SCN11A: variants seen among roughly 807,000 people sequenced by gnomAD.
The protein encoded by SCN11A is sodium channel protein type 11 subunit alpha.
Under a neutral mutation model 162.2 loss-of-function variants are expected in SCN11A, and 122 were observed. The ratio of observed to expected loss-of-function variants is 0.75; its 90% CI spans 0.65 to 0.87. The LOEUF is 0.87. Ranked by LOEUF, SCN11A falls within the 40% of genes least tolerant of loss-of-function variation. The pLI, the probability that SCN11A is intolerant of heterozygous loss-of-function variation, is 0.00. For synonymous variants in SCN11A, 758 were observed against 751.5 expected, an observed-to-expected ratio of 1.01 and a Z score of -0.14; for missense variants, 2,015 against 2,181.6, an observed-to-expected ratio of 0.92 and a Z score of 1.52.
chr3:39,026,411 C>T (rs2031589503), intron 2 of SCN11A, among the ~76,000 whole-genome samples: 1 of 152,212 alleles, frequency 6.6e-6, no homozygotes, highest in Non-Finnish European at 1.5e-5. Context: ...TACAACCTCG[C>T]CGGGTCGTGG....
intron 2 of SCN11A, among the ~76,000 whole-genome samples, chr3:39,019,578 C>T (rs184975075): frequency 1.3e-5 from 2 of 152,196 alleles, no homozygotes; most frequent in Admixed American, 6.5e-5. Flanking sequence ...TGCAGTTTCA[C>T]ATGTTTGGTC....
intron 28 of SCN11A, among the ~76,000 whole-genome samples, chr3:38,854,222 C>T (rs2126082629): frequency 6.6e-6 from 1 of 152,242 alleles, no homozygotes; most frequent in South Asian, 2.1e-4. Flanking sequence ...TTGTCTATGG[C>T]TGCTTCTGTA....
At chr3:38,921,009 A>G in intron 10 of SCN11A, 67 bp downstream of exon 10, 1 of 1,423,242 alleles carries the variant, frequency 7.0e-7, no homozygotes, top group Non-Finnish European at 9.9e-7. Flanking sequence ...TGAAGGCAGG[A>G]CAAGTGAGGA....
At chr3:39,048,507 TAA>T (rs1401066123) in intron 1 of SCN11A, among the ~76,000 whole-genome samples, 2 of 152,172 alleles carry the variant, frequency 1.3e-5, no homozygotes, top group African/African-American at 4.8e-5. Flanking sequence ...TTCAAATAGC[TAA>T]AAGAGTGGAT....
In SCN11A at chr3:38,871,566, G is replaced by C. The variant is rs1017830449; in HGVS notation, c.3638C>G (p.Ser1213Ter). 6.2e-7 allele frequency: 1 copy of C among 1,613,070 alleles called. No individual in the cohort carries two copies. Among genetic ancestry groups the C allele is most frequent in the Non-Finnish European group, 8.5e-7 (1 of 1,179,342 alleles). Residue 1213 changes from serine (S) to a stop codon, truncating the protein, a stop_gained, in exon 25 of 30, where the codon TCA becomes TGA. Transcript: ENST00000302328. LOFTEE classifies it high-confidence loss of function. ...KFGKCINGTD[S>*]VINYTIITNK... is the part of the protein sequence containing the mutation. ...TGTAATGATGGTATAATTTATAACT[G>C]AGTCTGTTCCATTAATGCATTTCCC...
At chr3:38,873,424 T>C (rs1424556215) in intron 23 of SCN11A, among the ~76,000 whole-genome samples, 1 of 152,194 alleles carries the variant, frequency 6.6e-6, no homozygotes, top group Non-Finnish European at 1.5e-5. Context: ...TATGACAGAA[T>C]ATTAAGATTT....
At chr3:38,894,432 C>T (rs142955171) in intron 19 of SCN11A, 101 bp downstream of exon 19, 1 of 976,600 alleles carries the variant, frequency 1.0e-6, no homozygotes, top group African/African-American at 1.6e-5. Flanking sequence ...GTTTTGTACC[C>T]TTATTATCCT....
At chr3:39,015,570 C>G (rs2031269468) in intron 2 of SCN11A, among the ~76,000 whole-genome samples, 1 of 152,100 alleles carries the variant, frequency 6.6e-6, no homozygotes, top group African/African-American at 2.4e-5. Context: ...TGTGCCTCTC[C>G]TAATTCAGGT....
Position 38,885,312 on chromosome 3 carries a change from G to A in SCN11A, c.3040C>T (p.Gln1014Ter), listed in dbSNP as rs2065377554. 1 of 1,610,224 alleles carries A rather than the reference G, an allele frequency of 6.2e-7. No individual in the cohort carries two copies. The highest frequency in any genetic ancestry group is 8.5e-7 in the Non-Finnish European group (1 of 1,176,472). Residue 1014 changes from glutamine (Q) to a stop codon, truncating the protein, a stop_gained, in exon 21 of 30, where the codon CAA (glutamine) becomes TAA (stop). Coordinates refer to ENST00000302328, the MANE Select transcript of SCN11A (RefSeq NM_001349253.2). LOFTEE classifies it high-confidence loss of function. ...CCTTTGGGCAAACATCTCTCTGGTT[G>A]CTTTTTGGGAACCATCTCAGGTAAC... Reference protein sequence around the residue: ...GWLPEMVPKKQPERCLPKGFG... With the variant: ...GWLPEMVPKK
chr3:38,863,386 A>G, intron 27 of SCN11A, 87 bp from the exon 28 acceptor site: 1 of 678,752 alleles, frequency 1.5e-6, no homozygotes, highest in South Asian at 1.8e-5. Flanking sequence ...TTAAAGTTAC[A>G]TTACATTTCT....
intron 8 of SCN11A, among the ~76,000 whole-genome samples, chr3:38,926,294 T>G (rs538517972): frequency 6.6e-6 from 1 of 152,212 alleles, no homozygotes; most frequent in African/African-American, 2.4e-5. Context: ...CTTCTAGAAG[T>G]AAACAGGAGT....
intron 7 of SCN11A, among the ~76,000 whole-genome samples, chr3:38,937,102 AC>A: frequency 6.6e-6 from 1 of 152,172 alleles, no homozygotes; most frequent in Non-Finnish European, 1.5e-5. Flanking sequence ...GACAAACCTG[AC>A]AAAAACAAGC....
At chr3:39,044,747 T>C (rs1420031797) in intron 1 of SCN11A, among the ~76,000 whole-genome samples, 1 of 151,914 alleles carries the variant, frequency 6.6e-6, no homozygotes, top group Non-Finnish European at 1.5e-5. Flanking sequence ...AACAAACTAA[T>C]GATGCACGTC....
intron 7 of SCN11A, among the ~76,000 whole-genome samples, chr3:38,942,529 T>C (rs965436198): frequency 6.6e-6 from 1 of 151,884 alleles, no homozygotes; most frequent in African/African-American, 2.4e-5. Flanking sequence ...TAGATAATAA[T>C]CAGACAACCA....
At chr3:39,039,653 C>T (rs901309683) in intron 1 of SCN11A, among the ~76,000 whole-genome samples, 6 of 152,238 alleles carry the variant, frequency 3.9e-5, no homozygotes, top group African/African-American at 1.4e-4. Flanking sequence ...AAGGAGGTCA[C>T]CCTCAGGAGT....
rs560181603 is a variant in SCN11A at position 38,859,336 on chromosome 3, T to C, written c.4056+3859A>G. On this transcript the variant is annotated intron_variant, in intron 28 of 29. Transcript: ENST00000302328. ...GCTCAATTAAAAATGATACAGGAGA[T>C]AGTACAACTGATACCACAGAAATAC... 4.3e-4 allele frequency among the ~76,000 whole-genome samples: 65 copies of C among 152,030 alleles called. 1 individual carries two copies. The South Asian group carries it at 0.013, about 31-fold the overall frequency.
intron 2 of SCN11A, among the ~76,000 whole-genome samples, chr3:39,012,376 T>C (rs983128651): frequency 6.6e-6 from 1 of 152,110 alleles, no homozygotes; most frequent in African/African-American, 2.4e-5. Context: ...ATAAACTTGG[T>C]GTACTGGATC....
intron 22 of SCN11A, among the ~76,000 whole-genome samples, chr3:38,882,380 T>C (rs1412397041): frequency 1.3e-5 from 2 of 152,182 alleles, no homozygotes; most frequent in East Asian, 1.9e-4. Context: ...CCAAGGCTCC[T>C]GGGTTTAGTA....
Position 38,921,074 on chromosome 3 carries a change from A to T in SCN11A, c.892+2T>A. The T allele has an allele frequency of 6.2e-7, 1 of 1,613,842 alleles. No individual in the cohort carries two copies. Among genetic ancestry groups the T allele is most frequent in the South Asian group, 1.1e-5 (1 of 91,038 alleles). Reference sequence around the variant, plus strand: ...GGAGTGAAAGAAAGGTTGGGTATTTACCATAAGCTTCCGGGTTACTGATAT... The same window carrying T: ...GGAGTGAAAGAAAGGTTGGGTATTTTCCATAAGCTTCCGGGTTACTGATAT... On this transcript the variant is annotated splice_donor_variant, in intron 10 of 29. Coordinates refer to ENST00000302328, the MANE Select transcript of SCN11A (RefSeq NM_001349253.2). LOFTEE classifies it high-confidence loss of function.
Sources: gnomAD v4.1 joint callset for allele counts (sites outside exome capture counted in the v4.1 genomes callset) on GRCh38, gnomAD v4.1.1 for gene constraint, MANE v1.5 for transcripts, NCBI Gene and HGNC (gene_info 2026-07-23, HGNC 2026-07-21) for gene names.